The following MYO3A variants were observed in gnomAD, a reference collection of about 807,000 sequenced individuals.
MYO3A encodes the protein myosin IIIA.
MYO3A carries 180 observed loss-of-function variants against 192.7 expected under a neutral mutation model. The ratio of observed to expected loss-of-function variants is 0.93; its 90% CI spans 0.83 to 1.06. The LOEUF is 1.06. MYO3A is among the 50% of genes least tolerant of loss of function. The pLI, the probability that MYO3A is intolerant of heterozygous loss-of-function variation, is 0.00. For missense variants in MYO3A, 1,896 were observed against 1,905.0 expected (o/e 1.00, Z 0.09); for synonymous variants, 628 against 645.3 (o/e 0.97, Z 0.41).
At chr10:26,044,642 G>A (rs1843536121) in intron 10 of MYO3A, among the ~76,000 whole-genome samples, 1 of 152,170 alleles carries the variant, frequency 6.6e-6, no homozygotes, top group Non-Finnish European at 1.5e-5. Context: ...GCACTAATTT[G>A]ACCCAGTAGC....
At chr10:26,187,397 T>C (rs2132117170) in intron 31 of MYO3A, among the ~76,000 whole-genome samples, 1 of 152,290 alleles carries the variant, frequency 6.6e-6, no homozygotes, top group South Asian at 2.1e-4. Context: ...AAGTTCAAGA[T>C]CAAGGTGTCA....
In MYO3A at chr10:26,168,840, G is replaced by C. The variant is rs949401182; in HGVS notation, c.3240G>C (p.Glu1080Asp). Residue 1080 changes from glutamate (E) to aspartate (D), a missense_variant, in exon 28 of 35, where the codon GAG (glutamate) becomes GAC (aspartate). Physicochemically the swap from Glu to Asp is conservative, Grantham distance 45. Coordinates refer to ENST00000642920, the MANE Select transcript of MYO3A (RefSeq NM_017433.5). ...CAAGAAGATACCAAAAAATACAGGA[G>C]AAAAGGAAAGAAAGCGCTATAATAA... ...LCSRRYQKIQEKRKESAIIIQ... is the reference protein window; with the variant it reads ...LCSRRYQKIQDKRKESAIIIQ... 13 of 1,612,020 alleles carry C rather than the reference G, an allele frequency of 8.1e-6. No homozygotes were observed. Among genetic ancestry groups the C allele is most frequent in the Non-Finnish European group, 1.0e-5 (12 of 1,179,414 alleles).
At chr10:26,070,280 G>T (rs758768673) in intron 13 of MYO3A, 38 bp from the exon 14 acceptor site, 333 of 1,605,278 alleles carry the variant, frequency 2.1e-4, no homozygotes, top group Non-Finnish European at 1.1e-4. Context: ...TTAATTTTGA[G>T]GATAAGGTCT....
At chr10:26,152,192 C>T (rs1290954515) in intron 23 of MYO3A, among the ~76,000 whole-genome samples, 2 of 152,166 alleles carry the variant, frequency 1.3e-5, no homozygotes, top group Non-Finnish European at 2.9e-5. Flanking sequence ...AAACTCAGAA[C>T]CTCAGAGATA....
chr10:26,015,438 T>A (rs887780796), intron 6 of MYO3A, among the ~76,000 whole-genome samples: 2 of 152,230 alleles, frequency 1.3e-5, no homozygotes, highest in African/African-American at 4.8e-5. Context: ...AAAAGTGATT[T>A]ATGTCAATCA....
chr10:26,134,525 G>A (rs1839737252), intron 20 of MYO3A, among the ~76,000 whole-genome samples: 1 of 152,114 alleles, frequency 6.6e-6, no homozygotes, highest in African/African-American at 2.4e-5. Context: ...ATTAAAATAT[G>A]TGTATATAGA....
At position 25,967,207 on chromosome 10, in the gene MYO3A, T is replaced by C. The variant is rs1838318615; in HGVS notation, c.303+12199T>C. 2.0e-5 allele frequency among the ~76,000 whole-genome samples: 3 copies of C among 152,186 alleles called. No individual in the cohort carries two copies. The South Asian group carries it at 6.2e-4, about 31-fold the overall frequency. ...TTAACTGAAAACCCACATAGATATA[T>C]GTAGAGTGTGACTTCAGGCAGTTTG... On this transcript the variant is annotated intron_variant, in intron 4 of 34. Transcript: ENST00000642920.
intron 4 of MYO3A, among the ~76,000 whole-genome samples, chr10:25,965,770 C>T (rs72789935): frequency 0.045 from 6,772 of 151,982 alleles, 184 homozygotes; most frequent in Non-Finnish European, 0.065. Flanking sequence ...TTAAATGCTC[C>T]CTCTGTGGGT....
chr10:26,071,444 C>T (rs1291697260), intron 14 of MYO3A, among the ~76,000 whole-genome samples: 2 of 151,982 alleles, frequency 1.3e-5, no homozygotes, highest in South Asian at 4.2e-4. Context: ...TACAAGAAAA[C>T]GTAGGAAAAG....
At chr10:25,995,188 T>C (rs927897202) in intron 4 of MYO3A, among the ~76,000 whole-genome samples, 1 of 152,252 alleles carries the variant, frequency 6.6e-6, no homozygotes, top group Non-Finnish European at 1.5e-5. Context: ...GTCCCATGTT[T>C]CTTGGAAGCT....
At chr10:25,972,133 T>A (rs952468338) in intron 4 of MYO3A, among the ~76,000 whole-genome samples, 4 of 152,220 alleles carry the variant, frequency 2.6e-5, no homozygotes, top group African/African-American at 9.6e-5. Context: ...ATGCTTATAT[T>A]TCTCTGAAAC....
intron 4 of MYO3A, among the ~76,000 whole-genome samples, chr10:25,957,616 A>G (rs1299201183): frequency 6.6e-6 from 1 of 152,148 alleles, no homozygotes; most frequent in Non-Finnish European, 1.5e-5. Flanking sequence ...GTAATGCAAT[A>G]GATAGCTGGG....
At chr10:26,017,777 A>G (rs1233565153) in intron 7 of MYO3A, among the ~76,000 whole-genome samples, 1 of 148,466 alleles carries the variant, frequency 6.7e-6, no homozygotes, top group Non-Finnish European at 1.5e-5. Flanking sequence ...TTTTTTTACC[A>G]TGGAGCATAT....
chr10:26,086,374 A>C (rs1836314775), intron 14 of MYO3A, among the ~76,000 whole-genome samples: 1 of 152,152 alleles, frequency 6.6e-6, no homozygotes, highest in South Asian at 2.1e-4. Context: ...TGGGGATTAC[A>C]ATTTGACATG....
In MYO3A at chr10:26,036,310, A is replaced by C. The variant is rs568858903; in HGVS notation, c.953+9778A>C. ...AAACTAAGTTTAAGATGGGTATCTA[A>C]CTTATCCTTGAAATGTTTGGGAAAT... On this transcript the variant is annotated intron_variant, in intron 10 of 34. Coordinates refer to ENST00000642920, the MANE Select transcript of MYO3A (RefSeq NM_017433.5). Among the ~76,000 whole-genome samples, 38 of 152,318 alleles carry C rather than the reference A, an allele frequency of 2.5e-4. No individual in the cohort carries two copies. The South Asian group carries it at 7.7e-3, about 31-fold the overall frequency.
chr10:26,082,922 C>A (rs1302824732), intron 14 of MYO3A, among the ~76,000 whole-genome samples: 1 of 152,140 alleles, frequency 6.6e-6, no homozygotes, highest in Non-Finnish European at 1.5e-5. Context: ...GCCTTTTAAT[C>A]TTAACTGAGT....
At chr10:26,021,777 A>G (rs1246910428) in intron 8 of MYO3A, 129 bp downstream of exon 8, 1 of 1,253,854 alleles carries the variant, frequency 8.0e-7, no homozygotes, top group African/African-American at 1.5e-5. Flanking sequence ...AGATCCTGGA[A>G]TATTATTCTG....
chr10:26,028,095 A>G (rs970683180), intron 10 of MYO3A, among the ~76,000 whole-genome samples: 6 of 152,206 alleles, frequency 3.9e-5, no homozygotes, highest in Non-Finnish European at 5.9e-5. Flanking sequence ...TTTAATTCCC[A>G]TTTGTTTAAT....
chr10:26,062,604 T>A (rs71492529), intron 10 of MYO3A, among the ~76,000 whole-genome samples: 69,244 of 147,858 alleles, frequency 0.47, 17,410 homozygotes, highest in Middle Eastern at 0.58. Context: ...TACTTTTTTT[T>A]AATATCAGAA....
Sources: allele counts gnomAD v4.1 joint callset (sites outside exome capture counted in the v4.1 genomes callset), GRCh38; gene constraint gnomAD v4.1.1; transcripts MANE v1.5; gene names NCBI Gene and HGNC (gene_info 2026-07-23, HGNC 2026-07-21).